The following TTC21B variants were observed in gnomAD, a reference collection of about 807,000 sequenced individuals.
TTC21B encodes tetratricopeptide repeat domain 21B.
TTC21B carries 127 observed loss-of-function variants against 175.1 expected under a neutral mutation model. That is an observed-to-expected ratio of 0.73 (90% CI 0.63 to 0.84). TTC21B has a LOEUF of 0.84. TTC21B is among the 40% of genes least tolerant of loss of function. The probability of loss-of-function intolerance (pLI) is 0.00; values close to 1 mark genes in which losing one functional copy is unlikely to be tolerated. For synonymous variants in TTC21B, 524 were observed against 524.5 expected (o/e 1.00, Z 0.01); for missense variants, 1,561 against 1,558.3 (o/e 1.00, Z -0.03).
intron 6 of TTC21B, among the ~76,000 whole-genome samples, chr2:165,936,160 C>A (rs1163684862): frequency 2.6e-5 from 4 of 152,138 alleles, no homozygotes; most frequent in Non-Finnish European, 5.9e-5. Flanking sequence ...AATAGACCCA[C>A]ATAGATAGTA....
intron 9 of TTC21B, 69 bp from the exon 10 acceptor site, chr2:165,929,816 TAAC>T (rs957838734): frequency 2.6e-4 from 262 of 996,212 alleles, no homozygotes; most frequent in Middle Eastern, 6.2e-4. Context: ...CAAGCTAACA[TAAC>T]AACATTAATA....
At position 165,939,127 on chromosome 2, in the gene TTC21B, G is replaced by A. The variant is rs745430314; in HGVS notation, c.710+1900C>T. Among the ~76,000 whole-genome samples the A allele has an allele frequency of 2.9e-4, 44 of 152,036 alleles. 1 individual carries two copies. Among genetic ancestry groups the A allele is most frequent in the Non-Finnish European group, 4.9e-4 (33 of 67,978 alleles). On this transcript the variant is annotated intron_variant, in intron 6 of 28. Coordinates refer to ENST00000243344, the MANE Select transcript of TTC21B (RefSeq NM_024753.5). ...AATGGGAGTTTAGTCATGTGGTGAC[G>A]GTAGCTAGGGGCAGGAAACAGATAA...
chr2:165,920,745 C>CTAAATATTTAAAATATTTTGAAATGTTT (rs1686360284), intron 12 of TTC21B, among the ~76,000 whole-genome samples: 1 of 135,938 alleles, frequency 7.4e-6, no homozygotes, highest in Non-Finnish European at 1.6e-5. Flanking sequence ...GGGTAGGATA[C>CTAAATATTTAAAATATTTTGAAATGTTT]TAAATATTTA....
At chr2:165,885,585 GAT>G (rs1684976720) in intron 25 of TTC21B, among the ~76,000 whole-genome samples, 1 of 152,210 alleles carries the variant, frequency 6.6e-6, no homozygotes, top group Admixed American at 6.5e-5. Context: ...GAGGAGAGAA[GAT>G]AGAGGCCTGC....
chr2:165,932,874 T>G, intron 7 of TTC21B, 99 bp downstream of exon 7: 4 of 1,059,004 alleles, frequency 3.8e-6, no homozygotes, highest in Non-Finnish European at 5.7e-6. Flanking sequence ...AAAGAGAACT[T>G]CAAGGCTTTA....
At chr2:165,914,698 T>TACGTGCGCGCGCGCGCG (rs71031214) in intron 15 of TTC21B, among the ~76,000 whole-genome samples, 4 of 132,368 alleles carry the variant, frequency 3.0e-5, no homozygotes, top group African/African-American at 6.2e-5. Flanking sequence ...TGTGTGTGTG[T>TACGTGCGCGCGCGCGCG]TGTGTATCCC....
chr2:165,895,508 A>G (rs1189990654), intron 22 of TTC21B, among the ~76,000 whole-genome samples: 1 of 152,202 alleles, frequency 6.6e-6, no homozygotes, highest in Non-Finnish European at 1.5e-5. Context: ...TAAAGAAATA[A>G]AGTTAGATCA....
At chr2:165,947,994 T>G (rs1229674953) in intron 3 of TTC21B, 2 of 152,210 alleles carry the variant, frequency 1.3e-5, no homozygotes, top group Non-Finnish European at 2.9e-5. Flanking sequence ...TTCTTCAATC[T>G]ATACTAACTA....
intron 4 of TTC21B, among the ~76,000 whole-genome samples, chr2:165,944,897 T>C (rs1331611127): frequency 6.6e-6 from 1 of 152,192 alleles, no homozygotes; most frequent in African/African-American, 2.4e-5. Flanking sequence ...TTTCAGGTTT[T>C]AGCTCAAATG....
At position 165,915,398 on chromosome 2, in the gene TTC21B, A is replaced by C; in HGVS notation, c.1941T>G (p.Phe647Leu). 6.2e-7 allele frequency: 1 copy of C among 1,614,148 alleles called. No homozygotes were observed. Among genetic ancestry groups the C allele is most frequent in the South Asian group, 1.1e-5 (1 of 91,078 alleles). Residue 647 changes from phenylalanine to leucine, a missense_variant, in exon 15 of 29, where the codon TTT becomes TTG. Transcript: ENST00000243344. ...TKVLQDAIHE[F>L]SGTSEEVRVT... The stretch of plus-strand genomic sequence containing the variant: ...CCCGCACTTCTTCAGATGTTCCAGA[A>C]AATTCATGGATGGCATCTTGTAAAA...
rs1323594101 is a variant in TTC21B, at chr2:165,899,880, T to A, written c.2758A>T (p.Ile920Phe). ...ALVHCETDNK[I>F]MLELARLYLA... Reference sequence around the variant, plus strand: ...TATAATCGTGCCAGTTCCAACATAATCTGTAGAGCAAAGGGCTAGATTCAT... The same window carrying A: ...TATAATCGTGCCAGTTCCAACATAAACTGTAGAGCAAAGGGCTAGATTCAT... Residue 920 changes from isoleucine (I) to phenylalanine (F), a missense_variant and splice_region_variant, in exon 21 of 29, where the codon ATT (isoleucine) becomes TTT (phenylalanine). Transcript: ENST00000243344. 1 of 1,596,942 alleles carries A rather than the reference T, an allele frequency of 6.3e-7. No homozygotes were observed. The highest frequency in any genetic ancestry group is 1.7e-5 in the Admixed American group (1 of 59,950).
At chr2:165,924,756 G>T in intron 11 of TTC21B, 78 bp from the exon 12 acceptor site, 1 of 1,471,856 alleles carries the variant, frequency 6.8e-7, no homozygotes, top group Non-Finnish European at 9.2e-7. Flanking sequence ...ATTAATTTTA[G>T]TATAACTAAC....
intron 6 of TTC21B, among the ~76,000 whole-genome samples, chr2:165,935,480 A>G (rs1374770503): frequency 3.9e-5 from 6 of 152,210 alleles, no homozygotes; most frequent in Non-Finnish European, 5.9e-5. Context: ...AATTCATAGA[A>G]TGCTACTCAG....
At chr2:165,940,894 G>T in intron 6 of TTC21B, 133 bp downstream of exon 6, 1 of 865,650 alleles carries the variant, frequency 1.2e-6, no homozygotes, top group Non-Finnish European at 1.8e-6. Context: ...ATGATTTTAA[G>T]TATTTCCTCG....
At chr2:165,926,602 T>A (rs1686638609) in intron 11 of TTC21B, among the ~76,000 whole-genome samples, 1 of 152,082 alleles carries the variant, frequency 6.6e-6, no homozygotes. Context: ...AACTTGATTG[T>A]ACTGAAGGAT....
rs1297355989 is a variant in TTC21B, at chr2:165,915,331, T to C, written c.2008A>G (p.Ile670Val). ...TGAAGGATGCTTAAAGCCCGTTCAA[T>C]ATCTCCTTGGGCTAGAGCAAGGTCT... ...NADLALAQGD[I>V]ERALSILQNV... The change falls in exon 15 of 29, where the codon ATT becomes GTT. Residue 670 changes from isoleucine (I) to valine (V), a missense_variant. Ile to Val is a conservative substitution (Grantham distance 29). Coordinates refer to ENST00000243344, the MANE Select transcript of TTC21B (RefSeq NM_024753.5). The C allele has an allele frequency of 6.2e-7, 1 of 1,614,130 alleles. No individual in the cohort carries two copies. Among genetic ancestry groups the C allele is most frequent in the Non-Finnish European group, 8.5e-7 (1 of 1,179,990 alleles).
chr2:165,915,548 A>T, intron 14 of TTC21B, 109 bp from the exon 15 acceptor site: 2 of 961,212 alleles, frequency 2.1e-6, no homozygotes, highest in Non-Finnish European at 3.3e-6. Flanking sequence ...TACATTTATA[A>T]TATTTACGAA....
intron 2 of TTC21B, 31 bp from the exon 3 acceptor site, chr2:165,949,535 G>C (rs373566733): frequency 1.1e-5 from 17 of 1,613,394 alleles, no homozygotes; most frequent in Non-Finnish European, 1.4e-5. Flanking sequence ...ATGAAAAACT[G>C]TTCTTAGTGC....
rs1352405050 is a variant in TTC21B, at chr2:165,932,982, A to C, written c.786T>G (p.Asp262Glu). ...ATACAATGCCACTTACCTTCTCTAT[A>C]TCCCCCTCTCTACACACATAGTAGA... Reference protein sequence around the residue: ...QALYYVCREGDIEKASTKLEN... With the variant: ...QALYYVCREGEIEKASTKLEN... The change falls in exon 7 of 29, where the codon GAT (aspartate) becomes GAG (glutamate). Residue 262 changes from aspartate to glutamate, a missense_variant. Physicochemically the swap from Asp to Glu is conservative, Grantham distance 45. Transcript: ENST00000243344. The C allele has an allele frequency of 6.2e-7, 1 of 1,612,770 alleles. No individual in the cohort carries two copies. Among genetic ancestry groups the C allele is most frequent in the South Asian group, 1.1e-5 (1 of 90,908 alleles).
Sources: gnomAD v4.1 joint callset for allele counts (sites outside exome capture counted in the v4.1 genomes callset) on GRCh38, gnomAD v4.1.1 for gene constraint, MANE v1.5 for transcripts, NCBI Gene and HGNC (gene_info 2026-07-23, HGNC 2026-07-21) for gene names.